Variants in PSD3 observed in about 807,000 individuals in gnomAD.
The protein encoded by PSD3 is PH and SEC7 domain-containing protein 3.
PSD3 carries 49 observed loss-of-function variants against 105.5 expected under a neutral mutation model. That is an observed-to-expected ratio of 0.46 (90% confidence interval 0.37 to 0.59). The LOEUF (loss-of-function observed/expected upper bound fraction) is 0.59. Ranked by LOEUF, PSD3 falls within the 20% of genes least tolerant of loss-of-function variation. The pLI is 0.00. For synonymous variants in PSD3, 557 were observed against 457.8 expected (o/e 1.22, Z -2.77); for missense variants, 1,561 against 1,263.8 (o/e 1.24, Z -3.57).
intron 9 of PSD3, among the ~76,000 whole-genome samples, chr8:18,726,228 T>C (rs897667645): frequency 6.6e-6 from 1 of 152,242 alleles, no homozygotes; most frequent in Non-Finnish European, 1.5e-5. Flanking sequence ...TATGCATTTA[T>C]TGTAGACCAG....
At chr8:18,663,341 G>C (rs1809495683) in intron 9 of PSD3, among the ~76,000 whole-genome samples, 1 of 151,916 alleles carries the variant, frequency 6.6e-6, no homozygotes, top group African/African-American at 2.4e-5. Context: ...CAGGAGGATT[G>C]CTTCAACCAG....
At chr8:18,670,254 C>T (rs1040681704) in intron 9 of PSD3, among the ~76,000 whole-genome samples, 3 of 152,106 alleles carry the variant, frequency 2.0e-5, no homozygotes, top group African/African-American at 4.8e-5. Flanking sequence ...AGAAACCCAG[C>T]GGGGCTGGTG....
intron 9 of PSD3, among the ~76,000 whole-genome samples, chr8:18,730,852 C>A (rs904621487): frequency 4.6e-5 from 7 of 151,926 alleles, no homozygotes; most frequent in East Asian, 1.9e-4. Flanking sequence ...TATGAAAACA[C>A]TGAACAAATA....
chr8:18,832,609 G>A (rs972575410), intron 4 of PSD3, among the ~76,000 whole-genome samples: 1 of 152,100 alleles, frequency 6.6e-6, no homozygotes, highest in East Asian at 1.9e-4. Flanking sequence ...CAGACATAAT[G>A]GTCAACATAT....
chr8:18,754,774 T>C (rs930999888), intron 9 of PSD3, among the ~76,000 whole-genome samples: 3 of 152,322 alleles, frequency 2.0e-5, no homozygotes, highest in Non-Finnish European at 2.9e-5. Flanking sequence ...TAAAAAAAGA[T>C]TGACCTTTAG....
At chr8:18,800,605 G>T (rs1369489493) in intron 7 of PSD3, among the ~76,000 whole-genome samples, 1 of 152,156 alleles carries the variant, frequency 6.6e-6, no homozygotes, top group South Asian at 2.1e-4. Context: ...TGAAATGGAG[G>T]AAAGATCTCT....
At chr8:18,688,841 G>A (rs1007548794) in intron 9 of PSD3, among the ~76,000 whole-genome samples, 3 of 152,170 alleles carry the variant, frequency 2.0e-5, no homozygotes, top group Admixed American at 6.5e-5. Flanking sequence ...CAGCCGAGCC[G>A]GCTTGCTATA....
intron 4 of PSD3, among the ~76,000 whole-genome samples, chr8:18,814,916 G>C (rs558436880): frequency 5.3e-5 from 8 of 152,286 alleles, no homozygotes; most frequent in Middle Eastern, 3.4e-3. Context: ...GCGGCACAAA[G>C]CACAAAGTAG....
At chr8:18,931,781 G>A (rs995730284) in intron 2 of PSD3, among the ~76,000 whole-genome samples, 24 of 152,196 alleles carry the variant, frequency 1.6e-4, no homozygotes, top group African/African-American at 5.8e-4. Flanking sequence ...CTCCCTCAGA[G>A]CCTGTTTACT....
At chr8:18,941,631 T>C (rs1822545031) in intron 1 of PSD3, among the ~76,000 whole-genome samples, 1 of 151,610 alleles carries the variant, frequency 6.6e-6, no homozygotes, top group African/African-American at 2.4e-5. Flanking sequence ...TTACCAATTT[T>C]AGACACAAGA....
intron 1 of PSD3, among the ~76,000 whole-genome samples, chr8:19,055,861 G>A (rs1171995383): frequency 2.0e-5 from 3 of 152,166 alleles, no homozygotes; most frequent in African/African-American, 7.2e-5. Flanking sequence ...GTTCACCAAA[G>A]GTAGACACAG....
chr8:18,829,485 C>T (rs548180590), intron 4 of PSD3, among the ~76,000 whole-genome samples: 5 of 152,308 alleles, frequency 3.3e-5, no homozygotes, highest in South Asian at 2.1e-4. Context: ...CGTCCATCAA[C>T]GCCCTAGCAT....
intron 9 of PSD3, among the ~76,000 whole-genome samples, chr8:18,700,237 A>T (rs1177845696): frequency 1.3e-5 from 2 of 152,194 alleles, no homozygotes; most frequent in Non-Finnish European, 2.9e-5. Flanking sequence ...TTTCCCTTTA[A>T]AAACAGACCT....
In PSD3 at chr8:18,950,879, G is replaced by C. The variant is rs549307621; in HGVS notation, c.22-14737C>G. Among the ~76,000 whole-genome samples, 13 of 152,264 alleles carry C rather than the reference G, an allele frequency of 8.5e-5. No individual in the cohort carries two copies. The South Asian group carries it at 2.3e-3, about 27-fold the overall frequency. ...AAGAACTGTCCTGTGTCATGCACTT[G>C]AGAAAGCCAACACAGGAGACACAGT... On this transcript the variant is annotated intron_variant, in intron 1 of 15. Transcript: ENST00000327040.
At chr8:18,944,334 C>T (rs921885061) in intron 1 of PSD3, among the ~76,000 whole-genome samples, 15 of 152,250 alleles carry the variant, frequency 9.9e-5, no homozygotes, top group Middle Eastern at 6.8e-3. Context: ...CTTTGGGAGG[C>T]CAAGGCGGGC....
At chr8:18,993,962 T>C (rs1825934867) in intron 1 of PSD3, among the ~76,000 whole-genome samples, 1 of 152,008 alleles carries the variant, frequency 6.6e-6, no homozygotes, top group South Asian at 2.1e-4. Flanking sequence ...ATGAAGCAAA[T>C]GTATGTATCA....
intron 9 of PSD3, among the ~76,000 whole-genome samples, chr8:18,686,978 C>A (rs1800694538): frequency 6.6e-6 from 1 of 152,188 alleles, no homozygotes; most frequent in Non-Finnish European, 1.5e-5. Context: ...CCTAGTCATT[C>A]ATTTGCCACC....
At chr8:18,814,071 T>C (rs1563302924) in intron 4 of PSD3, among the ~76,000 whole-genome samples, 2 of 152,372 alleles carry the variant, frequency 1.3e-5, no homozygotes, top group South Asian at 2.1e-4. Context: ...AACAGTTACA[T>C]AGAATACATT....
intron 1 of PSD3, among the ~76,000 whole-genome samples, chr8:18,999,730 T>C (rs985343600): frequency 1.3e-5 from 2 of 151,778 alleles, no homozygotes; most frequent in African/African-American, 4.8e-5. Flanking sequence ...AATACCTCTG[T>C]ATACTAACTA....
Sources: allele counts gnomAD v4.1 joint callset (sites outside exome capture counted in the v4.1 genomes callset), GRCh38; gene constraint gnomAD v4.1.1; transcripts MANE v1.5; gene names NCBI Gene and HGNC (gene_info 2026-07-23, HGNC 2026-07-21).